NIBAN1: variants seen among roughly 807,000 people sequenced by gnomAD.
The protein encoded by NIBAN1 is niban apoptosis regulator 1, also known as protein Niban 1.
Under a neutral mutation model 75.1 loss-of-function variants are expected in NIBAN1, and 81 were observed. The observed-to-expected ratio is 1.08, with a 90% CI of 0.90 to 1.30. NIBAN1 has a LOEUF of 1.30. Among genes scored for constraint, NIBAN1 ranks in the 50% most tolerant of loss-of-function variants. The pLI, the probability that NIBAN1 is intolerant of heterozygous loss-of-function variation, is 0.00. For synonymous variants in NIBAN1, 436 were observed against 424.8 expected (o/e 1.03, Z -0.32); for missense variants, 1,133 against 1,128.1 (o/e 1.00, Z -0.06).
chr1:184,934,119 T>A (rs901053229), intron 1 of NIBAN1, among the ~76,000 whole-genome samples: 1 of 152,222 alleles, frequency 6.6e-6, no homozygotes. Flanking sequence ...ACATATACAC[T>A]ATGGAATACT....
intron 5 of NIBAN1, among the ~76,000 whole-genome samples, chr1:184,872,574 G>A (rs1423617894): frequency 1.3e-5 from 2 of 152,076 alleles, no homozygotes; most frequent in Admixed American, 6.6e-5. Context: ...GGGCATGGTG[G>A]TATACCCCTG....
At chr1:184,843,052 G>T (rs1243181085) in intron 5 of NIBAN1, among the ~76,000 whole-genome samples, 1 of 152,156 alleles carries the variant, frequency 6.6e-6, no homozygotes, top group South Asian at 2.1e-4. Context: ...ATGAACCCTC[G>T]CATTTAGTCA....
chr1:184,863,234 C>A (rs1655863705), intron 5 of NIBAN1, among the ~76,000 whole-genome samples: 1 of 152,138 alleles, frequency 6.6e-6, no homozygotes, highest in African/African-American at 2.4e-5. Flanking sequence ...GTCTTATCTT[C>A]CTCTGGAACT....
intron 1 of NIBAN1, among the ~76,000 whole-genome samples, chr1:184,933,336 G>T (rs1243873635): frequency 6.6e-6 from 1 of 152,152 alleles, no homozygotes; most frequent in African/African-American, 2.4e-5. Context: ...AATTCAGAAG[G>T]TCCCTGCCCT....
intron 9 of NIBAN1, 41 bp from the exon 10 acceptor site, chr1:184,808,276 G>C (rs1376491750): frequency 6.3e-7 from 1 of 1,599,940 alleles, no homozygotes; most frequent in Admixed American, 1.7e-5. Context: ...CCCTCAGAAT[G>C]AGGAGCGGTA....
chr1:184,950,644 A>G (rs1267463778), intron 1 of NIBAN1, among the ~76,000 whole-genome samples: 1 of 152,208 alleles, frequency 6.6e-6, no homozygotes, highest in Non-Finnish European at 1.5e-5. Flanking sequence ...ATAGATTGAA[A>G]AACTTCACTT....
intron 5 of NIBAN1, among the ~76,000 whole-genome samples, chr1:184,858,117 T>G (rs966691340): frequency 2.6e-5 from 4 of 151,978 alleles, no homozygotes; most frequent in African/African-American, 9.7e-5. Context: ...AGGTTAATAA[T>G]AACATAATTA....
intron 1 of NIBAN1, among the ~76,000 whole-genome samples, chr1:184,969,089 A>G (rs1280599461): frequency 6.6e-6 from 1 of 152,088 alleles, no homozygotes; most frequent in Admixed American, 6.5e-5. Context: ...TCAGCTACAT[A>G]CTCCCATTTA....
chr1:184,827,956 T>C (rs944143080), intron 6 of NIBAN1, among the ~76,000 whole-genome samples: 6 of 150,084 alleles, frequency 4.0e-5, no homozygotes, highest in African/African-American at 1.5e-4. Flanking sequence ...TAGTTTTGTT[T>C]TTTGTTTTTT....
At position 184,836,936 on chromosome 1, in the gene NIBAN1, T is replaced by C. The variant is rs531519436; in HGVS notation, c.602-4974A>G. Among the ~76,000 whole-genome samples, 3 of 152,364 alleles carry C rather than the reference T, an allele frequency of 2.0e-5. No individual in the cohort carries two copies. The East Asian group carries it at 5.8e-4, about 29-fold the overall frequency. On this transcript the variant is annotated intron_variant, in intron 5 of 13. Coordinates refer to ENST00000367511, the MANE Select transcript of NIBAN1 (RefSeq NM_052966.4). ...TAAGTTGCTTTATATACATTTGTTC[T>C]TAAGATTATAAGCACAGGTCAATAG... is the stretch of plus-strand genomic sequence containing the variant.
intron 5 of NIBAN1, among the ~76,000 whole-genome samples, chr1:184,865,010 G>C (rs978520502): frequency 6.8e-6 from 1 of 147,362 alleles, no homozygotes; most frequent in African/African-American, 2.5e-5. Flanking sequence ...AAAAAAGAAT[G>C]CTCAGTATCA....
chr1:184,854,310 C>T (rs1557888296), intron 5 of NIBAN1, among the ~76,000 whole-genome samples: 1 of 152,216 alleles, frequency 6.6e-6, no homozygotes, highest in African/African-American at 2.4e-5. Context: ...CATGTTCAAA[C>T]AGCCTCATTA....
intron 1 of NIBAN1, among the ~76,000 whole-genome samples, chr1:184,915,991 A>G (rs1312583069): frequency 6.6e-6 from 1 of 152,248 alleles, no homozygotes; most frequent in African/African-American, 2.4e-5. Context: ...ATTTCAATAT[A>G]GTTTCAGAAG....
At chr1:184,842,560 C>T (rs1655315483) in intron 5 of NIBAN1, among the ~76,000 whole-genome samples, 1 of 152,146 alleles carries the variant, frequency 6.6e-6, no homozygotes, top group South Asian at 2.1e-4. Context: ...TTGAGACCAG[C>T]CTGGCCAACA....
intron 12 of NIBAN1, among the ~76,000 whole-genome samples, chr1:184,799,607 G>A (rs1218581329): frequency 1.4e-5 from 2 of 139,552 alleles, no homozygotes; most frequent in African/African-American, 5.4e-5. Context: ...AGATCCCTGA[G>A]GAATCGCCAC....
chr1:184,886,126 T>C (rs1656518479), intron 4 of NIBAN1, among the ~76,000 whole-genome samples: 1 of 152,146 alleles, frequency 6.6e-6, no homozygotes, highest in Admixed American at 6.5e-5. Flanking sequence ...AAAATTCTCA[T>C]TCATCCTTCA....
At position 184,966,366 on chromosome 1, in the gene NIBAN1, G is replaced by C. The variant is rs149083647; in HGVS notation, c.55+7936C>G. On this transcript the variant is annotated intron_variant, in intron 1 of 13. Transcript: ENST00000367511. ...CCTATTGGAGAGGTCATGTAGAAAG[G>C]CCACCTGGAGAGAAAGAAAGCCTTG... is the stretch of plus-strand genomic sequence containing the variant. Among the ~76,000 whole-genome samples the C allele has an allele frequency of 6.8e-4, 104 of 152,336 alleles. 1 individual carries two copies. In the Middle Eastern group the frequency reaches 0.01, roughly 15 times the overall value.
chr1:184,897,558 C>G (rs909584624), intron 2 of NIBAN1, among the ~76,000 whole-genome samples: 2 of 152,126 alleles, frequency 1.3e-5, no homozygotes, highest in Admixed American at 6.6e-5. Flanking sequence ...GGCCTTAATA[C>G]TAGTTATAAG....
chr1:184,910,349 A>C (rs2102003862), intron 1 of NIBAN1, among the ~76,000 whole-genome samples: 1 of 152,296 alleles, frequency 6.6e-6, no homozygotes, highest in East Asian at 1.9e-4. Context: ...AAAACATCAA[A>C]GATTACAGAC....
Sources: gnomAD v4.1 joint callset for allele counts (sites outside exome capture counted in the v4.1 genomes callset) on GRCh38, gnomAD v4.1.1 for gene constraint, MANE v1.5 for transcripts, NCBI Gene and HGNC (gene_info 2026-07-23, HGNC 2026-07-21) for gene names.